Variants in BRMS1L observed in about 807,000 individuals in gnomAD.
The protein encoded by BRMS1L is BRMS1 like transcriptional repressor, also known as breast cancer metastasis-suppressor 1-like protein.
BRMS1L carries 23 observed loss-of-function variants against 50.3 expected under a neutral mutation model. The observed-to-expected ratio is 0.46, with a 90% CI of 0.33 to 0.65. The LOEUF (loss-of-function observed/expected upper bound fraction) is 0.65. Among genes scored for constraint, BRMS1L ranks in the 30% least tolerant of loss-of-function variants. The pLI, the probability that BRMS1L is intolerant of heterozygous loss-of-function variation, is 0.02. For synonymous variants in BRMS1L, 114 were observed against 126.9 expected, an observed-to-expected ratio of 0.90 and a Z score of 0.69; for missense variants, 286 against 386.1, an observed-to-expected ratio of 0.74 and a Z score of 2.17.
chr14:35,857,600 T>C (rs923373133), intron 4 of BRMS1L, among the ~76,000 whole-genome samples: 4 of 152,098 alleles, frequency 2.6e-5, no homozygotes, highest in African/African-American at 9.7e-5. Flanking sequence ...GAATTATAAG[T>C]GTGAGCCACT....
At chr14:35,840,184 G>T (rs2078044925) in intron 4 of BRMS1L, among the ~76,000 whole-genome samples, 1 of 152,174 alleles carries the variant, frequency 6.6e-6, no homozygotes, top group South Asian at 2.1e-4. Flanking sequence ...ATTGATTTGT[G>T]TATGTTGAAC....
chr14:35,828,133 G>A (rs2142034008), intron 1 of BRMS1L, among the ~76,000 whole-genome samples: 1 of 152,198 alleles, frequency 6.6e-6, no homozygotes, highest in Non-Finnish European at 1.5e-5. Context: ...GATTTGAGAT[G>A]AAGGTGAAAG....
Position 35,868,075 on chromosome 14 carries a change from T to A in BRMS1L, c.854+43T>A, listed in dbSNP as rs1300626969. 1.4e-5 allele frequency: 21 copies of A among 1,542,438 alleles called. 1 individual carries two copies. The highest frequency in any genetic ancestry group is 1.7e-5 in the Non-Finnish European group (20 of 1,150,424). ...ATTTCAGTGTTGCTCAGTATTGTCA[T>A]TTACAACATCGTTGTCAGTGAAATA... On this transcript the variant is annotated intron_variant, in intron 9 of 9. Transcript: ENST00000216807.
At chr14:35,826,842 G>C in intron 1 of BRMS1L, 184 bp downstream of exon 1, 1 of 848,196 alleles carries the variant, frequency 1.2e-6, no homozygotes. Flanking sequence ...GCTCCTGATG[G>C]GTCCCGGCGG....
intron 4 of BRMS1L, among the ~76,000 whole-genome samples, chr14:35,847,114 G>A (rs1277098864): frequency 6.6e-6 from 1 of 151,930 alleles, no homozygotes; most frequent in Non-Finnish European, 1.5e-5. Flanking sequence ...AGCTGGGACT[G>A]CAGCCATGTG....
In BRMS1L at chr14:35,849,469, A is replaced by G. The variant is rs376739861; in HGVS notation, c.442-13121A>G. Among the ~76,000 whole-genome samples the G allele has an allele frequency of 7.5e-5, 11 of 146,754 alleles. No individual in the cohort carries two copies. The South Asian group carries it at 1.5e-3, about 20-fold the overall frequency. On this transcript the variant is annotated intron_variant, in intron 4 of 9. Coordinates refer to ENST00000216807, the MANE Select transcript of BRMS1L (RefSeq NM_032352.4). ...TACCTGGCTAGTTTTATTTTATTTT[A>G]TTTTATTTTTGTGGAGATGGGGTCA... is the stretch of plus-strand genomic sequence containing the variant.
intron 4 of BRMS1L, 76 bp from the exon 5 acceptor site, chr14:35,862,514 A>T: frequency 1.2e-6 from 1 of 812,838 alleles, no homozygotes. Flanking sequence ...AAAGTACTTT[A>T]AGTTATTTGG....
At chr14:35,835,239 T>C (rs2142039718) in intron 4 of BRMS1L, among the ~76,000 whole-genome samples, 1 of 152,296 alleles carries the variant, frequency 6.6e-6, no homozygotes, top group South Asian at 2.1e-4. Context: ...TGGATTAGAT[T>C]TGCGAAATAT....
chr14:35,843,194 C>T (rs147350900), intron 4 of BRMS1L, among the ~76,000 whole-genome samples: 263 of 152,328 alleles, frequency 1.7e-3, no homozygotes, highest in African/African-American at 5.5e-3. Context: ...TCGTCAAGCT[C>T]ATTCTCTGTC....
chr14:35,830,460 C>T (rs993678851), intron 1 of BRMS1L, among the ~76,000 whole-genome samples: 3 of 152,146 alleles, frequency 2.0e-5, no homozygotes, highest in South Asian at 2.1e-4. Flanking sequence ...CAAGTTCAAA[C>T]GATCCTCCCA....
chr14:35,863,304 A>G (rs1336273010), intron 5 of BRMS1L, among the ~76,000 whole-genome samples: 1 of 152,184 alleles, frequency 6.6e-6, no homozygotes, highest in Non-Finnish European at 1.5e-5. Context: ...CCAGTGTGAA[A>G]TTGGCTTTTT....
At position 35,830,356 on chromosome 14, in the gene BRMS1L, A is replaced by T. The variant is rs140052092; in HGVS notation, c.143-1054A>T. ...AGTGCTGGGATTACAGGAGTGAGCC[A>T]CCATGCCTGGCCTTTCTTTCACTTT... is the stretch of plus-strand genomic sequence containing the variant. On this transcript the variant is annotated intron_variant, in intron 1 of 9. Transcript: ENST00000216807. Among the ~76,000 whole-genome samples the T allele has an allele frequency of 4.4e-3, 665 of 152,196 alleles. 7 individuals are homozygous for T. Among genetic ancestry groups the T allele is most frequent in the African/African-American group, 0.015 (640 of 41,522 alleles).
At position 35,865,733 on chromosome 14, in the gene BRMS1L, A is replaced by G; in HGVS notation, c.699A>G (p.Thr233=). ...DWTTIRKAMA[T]LGPHRVKTEP... ...TTTTTTTAATTAAGGCAATGGCTACATTGGGGCCACACAGAGTGAAAACGG... is the reference window on the plus strand; with the variant it reads ...TTTTTTTAATTAAGGCAATGGCTACGTTGGGGCCACACAGAGTGAAAACGG... Residue 233 remains threonine, a synonymous_variant, in exon 8 of 10, where the codon ACA becomes ACG. Transcript: ENST00000216807. 2 of 1,586,454 alleles carry G rather than the reference A, an allele frequency of 1.3e-6. No individual in the cohort carries two copies. The highest frequency in any genetic ancestry group is 1.7e-6 in the Non-Finnish European group (2 of 1,173,492).
intron 8 of BRMS1L, 157 bp downstream of exon 8, chr14:35,865,918 C>A: frequency 1.5e-6 from 1 of 661,004 alleles, no homozygotes; most frequent in Non-Finnish European, 2.5e-6. Flanking sequence ...GTCATTGCTT[C>A]ACGTAAAAGT....
At chr14:35,836,118 G>C (rs769146311) in intron 4 of BRMS1L, among the ~76,000 whole-genome samples, 1 of 152,018 alleles carries the variant, frequency 6.6e-6, no homozygotes, top group Non-Finnish European at 1.5e-5. Context: ...CCTAAGAAGT[G>C]CCTATTTGTA....
chr14:35,832,892 T>A, intron 2 of BRMS1L, 86 bp from the exon 3 acceptor site: 1 of 1,191,846 alleles, frequency 8.4e-7, no homozygotes, highest in Non-Finnish European at 1.2e-6. Flanking sequence ...ATAAATGATA[T>A]TGGGAACAAA....
chr14:35,862,480 A>T, intron 4 of BRMS1L, 110 bp from the exon 5 acceptor site: 1 of 475,048 alleles, frequency 2.1e-6, no homozygotes, highest in Non-Finnish European at 3.5e-6. Flanking sequence ...TGAATTGAAA[A>T]AGCAAACCAA....
chr14:35,854,092 G>A (rs959813813), intron 4 of BRMS1L, among the ~76,000 whole-genome samples: 6 of 151,980 alleles, frequency 3.9e-5, no homozygotes, highest in African/African-American at 7.2e-5. Flanking sequence ...CCCTTCAAAC[G>A]AGACATTATT....
intron 4 of BRMS1L, among the ~76,000 whole-genome samples, chr14:35,846,002 CA>C (rs2078128643): frequency 6.6e-6 from 1 of 152,168 alleles, no homozygotes; most frequent in Non-Finnish European, 1.5e-5. Context: ...AGTGAGTTTA[CA>C]GCATGATGCA....
Sources: gnomAD v4.1 joint callset for allele counts (sites outside exome capture counted in the v4.1 genomes callset) on GRCh38, gnomAD v4.1.1 for gene constraint, MANE v1.5 for transcripts, NCBI Gene and HGNC (gene_info 2026-07-23, HGNC 2026-07-21) for gene names.